The following ATG3 variants were observed in gnomAD, a reference collection of about 807,000 sequenced individuals.
ATG3 encodes autophagy related 3.
In ATG3, 25 loss-of-function variants were observed where a neutral mutation model predicts 50.7. The ratio of observed to expected loss-of-function variants is 0.49; its 90% CI spans 0.36 to 0.69. ATG3 has a LOEUF of 0.69. Ranked by LOEUF, ATG3 falls within the 30% of genes least tolerant of loss-of-function variation. The pLI, the probability that ATG3 is intolerant of heterozygous loss-of-function variation, is 0.00. For missense variants in ATG3, 281 were observed against 376.0 expected, an observed-to-expected ratio of 0.75 and a Z score of 2.09; for synonymous variants, 119 against 125.5, an observed-to-expected ratio of 0.95 and a Z score of 0.34.
chr3:112,559,338 C>G (rs1165250190), intron 1 of ATG3, among the ~76,000 whole-genome samples: 1 of 152,248 alleles, frequency 6.6e-6, no homozygotes, highest in South Asian at 2.1e-4. Flanking sequence ...AATGAAAACA[C>G]TCATTTATAA....
chr3:112,544,393 C>T (rs917432069), intron 5 of ATG3, among the ~76,000 whole-genome samples: 1 of 152,120 alleles, frequency 6.6e-6, no homozygotes, highest in Non-Finnish European at 1.5e-5. Context: ...CGGTGGATCA[C>T]GCCTGTAATC....
chr3:112,532,852 C>G, intron 11 of ATG3, 72 bp from the exon 12 acceptor site: 1 of 1,423,668 alleles, frequency 7.0e-7, no homozygotes. Context: ...TGTAATTATC[C>G]ATTTTATTAA....
At chr3:112,555,386 CTTTA>C (rs1933640122) in intron 2 of ATG3, among the ~76,000 whole-genome samples, 1 of 152,152 alleles carries the variant, frequency 6.6e-6, no homozygotes, top group African/African-American at 2.4e-5. Context: ...CTCTTATTAT[CTTTA>C]TTATCAGTAT....
chr3:112,555,480 T>C (rs1431455955), intron 2 of ATG3, among the ~76,000 whole-genome samples: 1 of 152,234 alleles, frequency 6.6e-6, no homozygotes, highest in Non-Finnish European at 1.5e-5. Context: ...CCTCAATTAA[T>C]AGTATTCTAC....
intron 3 of ATG3, 120 bp from the exon 4 acceptor site, chr3:112,550,382 T>C (rs1933496397): frequency 2.4e-6 from 2 of 818,754 alleles, no homozygotes; most frequent in Admixed American, 5.8e-5. Context: ...AAAATTGGTT[T>C]AAAATTGATT....
At position 112,541,860 on chromosome 3, in the gene ATG3, A is replaced by G; in HGVS notation, c.418T>C (p.Ser140Pro). 6.2e-7 allele frequency: 1 copy of G among 1,612,280 alleles called. No homozygotes were observed. Among genetic ancestry groups the G allele is most frequent in the Non-Finnish European group, 8.5e-7 (1 of 1,179,518 alleles). Residue 140 changes from serine (S) to proline (P), a missense_variant, in exon 7 of 12, where the codon TCA (serine) becomes CCA (proline). Around this residue, in one of 3 missense-constraint regions of ATG3, gnomAD observed 242 missense variants for 305.0 expected, o/e 0.79. Coordinates refer to ENST00000283290, the MANE Select transcript of ATG3 (RefSeq NM_022488.5). ...NKDNIRLQDC[S>P]ALCEEEEDED... is the part of the protein sequence containing the mutation. ...TCTTCTTCCTCTTCACATAGTGCTG[A>G]GCAATCTTGAAGCCTTATATTGTCC...
intron 11 of ATG3, chr3:112,533,845 CT>C: frequency 1.0e-6 from 1 of 989,832 alleles, no homozygotes; most frequent in Non-Finnish European, 1.2e-6. Flanking sequence ...ATCTAAAGCA[CT>C]TCACGTAGTA....
rs778661805 is a variant in ATG3 at position 112,561,494 on chromosome 3, G to A, written c.35C>T (p.Ala12Val). Residue 12 changes from alanine (A) to valine (V), a missense_variant, in exon 1 of 12, where the codon GCA (alanine) becomes GTA (valine). Coordinates refer to ENST00000283290, the MANE Select transcript of ATG3 (RefSeq NM_022488.5). ...QNVINTVKGK[A>V]LEVAEYLTPV... The stretch of plus-strand genomic sequence containing the variant: ...GGTCAGGTACTCAGCCACTTCCAGT[G>A]CCTTTCCCTTCACAGTATTAATCAC... The A allele has an allele frequency of 1.3e-5, 21 of 1,612,980 alleles. No individual in the cohort carries two copies. The highest frequency in any genetic ancestry group is 1.3e-5 in the Non-Finnish European group (15 of 1,179,960).
intron 8 of ATG3, 24 bp from the exon 9 acceptor site, chr3:112,537,914 T>C (rs771160290): frequency 1.2e-4 from 181 of 1,561,270 alleles, no homozygotes; most frequent in Non-Finnish European, 1.5e-4. Context: ...AAGAGAAAAA[T>C]TTACAACCAT....
Position 112,553,318 on chromosome 3 carries a change from A to G in ATG3, c.126T>C (p.Ala42=), listed in dbSNP as rs781493028. The G allele has an allele frequency of 6.2e-7, 1 of 1,611,980 alleles. No homozygotes were observed. Among genetic ancestry groups the G allele is most frequent in the South Asian group, 1.1e-5 (1 of 91,026 alleles). The change falls in exon 3 of 12, where the codon GCT becomes GCC. Residue 42 remains alanine (A), a synonymous_variant. Coordinates refer to ENST00000283290, the MANE Select transcript of ATG3 (RefSeq NM_022488.5). ...GACAGTGGTGGACTAGGTGATCTCC[A>G]GCTGCCACAAACTATTCAGGATTTA... ...GVITPEEFVA[A]GDHLVHHCPT...
At position 112,548,590 on chromosome 3, in the gene ATG3, C is replaced by T. The variant is rs1037246134; in HGVS notation, c.286G>A (p.Ala96Thr). Residue 96 changes from alanine (A) to threonine (T), a missense_variant, in exon 5 of 12, where the codon GCT becomes ACT. Coordinates refer to ENST00000283290, the MANE Select transcript of ATG3 (RefSeq NM_022488.5). ...TCACCATCATCTTCTTCAATGATAGCTTCCAATTCATCTGAATATTCCATC... is the reference window on the plus strand; with the variant it reads ...TCACCATCATCTTCTTCAATGATAGTTTCCAATTCATCTGAATATTCCATC... Reference protein sequence around the residue: ...KQMEYSDELEAIIEEDDGDGG... With the variant: ...KQMEYSDELETIIEEDDGDGG... 9.9e-6 allele frequency: 16 copies of T among 1,614,018 alleles called. No homozygotes were observed. The Middle Eastern group carries it at 5.0e-4, about 50-fold the overall frequency.
At chr3:112,553,962 A>G (rs1482044691) in intron 2 of ATG3, among the ~76,000 whole-genome samples, 1 of 152,240 alleles carries the variant, frequency 6.6e-6, no homozygotes, top group Non-Finnish European at 1.5e-5. Flanking sequence ...TAACAAATTG[A>G]ATTCTCTCTA....
Position 112,554,251 on chromosome 3 carries a change from G to A in ATG3, c.115-922C>T, listed in dbSNP as rs544575106. ...CCATCATATACCCTGTGACCTGCAC[G>A]TATACATCTAGATGTGCTGAAGCAA... On this transcript the variant is annotated intron_variant, in intron 2 of 11. Coordinates refer to ENST00000283290, the MANE Select transcript of ATG3 (RefSeq NM_022488.5). Among the ~76,000 whole-genome samples the A allele has an allele frequency of 3.9e-5, 6 of 152,276 alleles. No individual in the cohort carries two copies. The South Asian group carries it at 8.3e-4, about 21-fold the overall frequency.
At position 112,533,836 on chromosome 3, in the gene ATG3, T is replaced by C. The variant is rs189909349; in HGVS notation, c.863+433A>G. On this transcript the variant is annotated intron_variant, in intron 11 of 11. Coordinates refer to ENST00000283290, the MANE Select transcript of ATG3 (RefSeq NM_022488.5). ...ATGAACGTACTATATTTTAAGAATA[T>C]CTAAAGCACTTCACGTAGTACATTA... 5 of 988,000 alleles carry C rather than the reference T, an allele frequency of 5.1e-6. No individual in the cohort carries two copies. In the Admixed American group the frequency reaches 2.4e-4, roughly 48 times the overall value. The allele number at this position is 988,000 out of a possible 1,614,324, so 61.2% of individuals were successfully genotyped here.
chr3:112,547,580 T>C (rs544373482), intron 5 of ATG3, among the ~76,000 whole-genome samples: 17 of 152,230 alleles, frequency 1.1e-4, no homozygotes, highest in Non-Finnish European at 1.9e-4. Flanking sequence ...TGCATGTACA[T>C]AGTTATATAA....
At chr3:112,556,329 C>T (rs1469823408) in intron 2 of ATG3, among the ~76,000 whole-genome samples, 1 of 152,010 alleles carries the variant, frequency 6.6e-6, no homozygotes, top group Non-Finnish European at 1.5e-5. Context: ...TGAGGAGCCC[C>T]TCTGCCCGGC....
At chr3:112,543,050 AAAAC>A (rs1187124848) in intron 6 of ATG3, among the ~76,000 whole-genome samples, 4 of 152,052 alleles carry the variant, frequency 2.6e-5, no homozygotes, top group Non-Finnish European at 4.4e-5. Flanking sequence ...ATAAAAAAAC[AAAAC>A]AAACAAAAAA....
At chr3:112,556,332 T>C (rs1933679889) in intron 2 of ATG3, among the ~76,000 whole-genome samples, 1 of 151,854 alleles carries the variant, frequency 6.6e-6, no homozygotes, top group Non-Finnish European at 1.5e-5. Context: ...GGAGCCCCTC[T>C]GCCCGGCCGC....
At chr3:112,547,599 G>A (rs1933403922) in intron 5 of ATG3, among the ~76,000 whole-genome samples, 1 of 152,198 alleles carries the variant, frequency 6.6e-6, no homozygotes, top group Admixed American at 6.5e-5. Flanking sequence ...AAATATAGTG[G>A]CAAAACAGTG....
Sources: gnomAD v4.1 joint callset for allele counts (sites outside exome capture counted in the v4.1 genomes callset) on GRCh38, gnomAD v4.1.1 for gene constraint, gnomAD v4.1.1 regional missense constraint, MANE v1.5 for transcripts, NCBI Gene and HGNC (gene_info 2026-07-23, HGNC 2026-07-21) for gene names.